The following RNF208 variants were observed in gnomAD, a reference collection of about 807,000 sequenced individuals.
The protein encoded by RNF208 is ring finger protein 208.
Under a neutral mutation model 15.2 loss-of-function variants are expected in RNF208, and 7 were observed. That is an observed-to-expected ratio of 0.46 (90% CI 0.26 to 0.86). The LOEUF is 0.86. Among genes scored for constraint, RNF208 ranks in the 40% least tolerant of loss-of-function variants. The pLI, the probability that RNF208 is intolerant of heterozygous loss-of-function variation, is 0.16. For missense variants in RNF208, 342 were observed against 364.1 expected, an observed-to-expected ratio of 0.94 and a Z score of 0.49; for synonymous variants, 211 against 163.2, an observed-to-expected ratio of 1.29 and a Z score of -2.23.
upstream of RNF208, among the ~76,000 whole-genome samples, chr9:137,223,178 G>C (rs1835899807): frequency 6.6e-6 from 1 of 152,258 alleles, no homozygotes; most frequent in Non-Finnish European, 1.5e-5. Context: ...TGGAGGAGCA[G>C]CCCTGCGCAT....
rs1313898656 is a variant in RNF208, at chr9:137,220,395, C to T, written c.*32G>A. 1 of 1,531,100 alleles carries T rather than the reference C, an allele frequency of 6.5e-7. No homozygotes were observed. The highest frequency in any genetic ancestry group is 1.9e-5 in the Admixed American group (1 of 51,962). The allele number at this position is 1,531,100 out of a possible 1,614,324, so 94.8% of individuals were successfully genotyped here. ...GTCCCTGAAGAAGCAGCGAGCGAGG[C>T]TCAGCGGGCAGTGGCGGGCAGGCAG... On this transcript the variant is annotated 3_prime_UTR_variant, in exon 2 of 2. Coordinates refer to ENST00000391553, the MANE Select transcript of RNF208 (RefSeq NM_031297.7).
Position 137,220,410 on chromosome 9 carries a change from C to G in RNF208, c.*17G>C. The G allele has an allele frequency of 6.5e-7, 1 of 1,539,474 alleles. No individual in the cohort carries two copies. ...GCGAGCGAGGCTCAGCGGGCAGTGG[C>G]GGGCAGGCAGGCGCTACTACATGAT... On this transcript the variant is annotated 3_prime_UTR_variant, in exon 2 of 2. Transcript: ENST00000391553.
At position 137,221,306 on chromosome 9, in the gene RNF208, G is replaced by C. The variant is rs1835867323; in HGVS notation, c.-94C>G. On this transcript the variant is annotated 5_prime_UTR_variant, in exon 2 of 2. Coordinates refer to ENST00000391553, the MANE Select transcript of RNF208 (RefSeq NM_031297.7). ...ACAGGGCAGCATCCTGGTCCCGCCA[G>C]GCCTGGGGGGGGCCCCGGACGGCCC... is the stretch of plus-strand genomic sequence containing the variant. 4.2e-6 allele frequency: 4 copies of C among 952,852 alleles called. No individual in the cohort carries two copies. In the South Asian group the frequency reaches 7.7e-5, roughly 18 times the overall value. 59.0% of individuals were successfully genotyped at this position (952,852 alleles called of 1,614,324 possible). A position where few individuals can be genotyped will look rare whatever the true frequency, so the allele number is the denominator to read the frequency against.
Position 137,221,495 on chromosome 9 carries a change from G to C in RNF208, c.-283C>G. 1 of 164,218 alleles carries C rather than the reference G, an allele frequency of 6.1e-6. No individual in the cohort carries two copies. Among genetic ancestry groups the C allele is most frequent in the Non-Finnish European group, 1.2e-5 (1 of 82,524 alleles). The allele number at this position is 164,218 out of a possible 1,614,324, so 10.2% of individuals were successfully genotyped here. On this transcript the variant is annotated 5_prime_UTR_variant, in exon 2 of 2. Coordinates refer to ENST00000391553, the MANE Select transcript of RNF208 (RefSeq NM_031297.7). ...GAGGCTGCCCTGGGCTGGGGGTCTG[G>C]CCCAGGGTCTCACCCAGGGTCTCTG...
In RNF208 at chr9:137,220,613, G is replaced by A. The variant is rs1414766955; in HGVS notation, c.600C>T (p.Gly200=). The change falls in exon 2 of 2, where the codon GGC becomes GGT. Residue 200 remains glycine (G), a synonymous_variant. Coordinates refer to ENST00000391553, the MANE Select transcript of RNF208 (RefSeq NM_031297.7). ...ACGTGTTGACAGCCAGCGCGGCCAG[G>A]CCGTAGTCGGTGAAGAGCACAGTCT... ...RRETVLFTDY[G]LAALAVNTSI... The A allele has an allele frequency of 6.2e-7, 1 of 1,612,440 alleles. No individual in the cohort carries two copies. The highest frequency in any genetic ancestry group is 1.7e-5 in the Admixed American group (1 of 59,986).
chr9:137,221,791 C>T (rs934319358), intron 1 of RNF208, among the ~76,000 whole-genome samples, 53 bp from the exon 2 acceptor site: 4 of 152,074 alleles, frequency 2.6e-5, no homozygotes, highest in Non-Finnish European at 4.4e-5. Flanking sequence ...CCACCCTAGC[C>T]CTCGCCCTGC....
upstream of RNF208, among the ~76,000 whole-genome samples, chr9:137,222,430 C>T (rs1222677569): frequency 1.3e-5 from 2 of 152,074 alleles, no homozygotes; most frequent in East Asian, 3.9e-4. Flanking sequence ...CCCCAGTTCT[C>T]TCCAGGCTGA....
chr9:137,223,075 C>A (rs1835897323), upstream of RNF208, among the ~76,000 whole-genome samples: 1 of 152,270 alleles, frequency 6.6e-6, no homozygotes, highest in Non-Finnish European at 1.5e-5. Context: ...GGCCAGACCG[C>A]ACCTGCTCTA....
Position 137,222,115 on chromosome 9 carries a change from C to T in RNF208, c.-653G>A, listed in dbSNP as rs1835879971. Among the ~76,000 whole-genome samples, 1 of 146,940 alleles carries T rather than the reference C, an allele frequency of 6.8e-6. No homozygotes were observed. Among genetic ancestry groups the T allele is most frequent in the Non-Finnish European group, 1.5e-5 (1 of 66,076 alleles). ...GCTCCGGCGGCTCCGGCGGCGGCCG[C>T]AGCGACCTCAGGCGATGGCGGGGCC... On this transcript the variant is annotated 5_prime_UTR_variant, in exon 1 of 2. Coordinates refer to ENST00000391553, the MANE Select transcript of RNF208 (RefSeq NM_031297.7).
upstream of RNF208, among the ~76,000 whole-genome samples, chr9:137,222,469 C>G (rs892492833): frequency 1.3e-5 from 2 of 152,052 alleles, no homozygotes; most frequent in South Asian, 2.1e-4. Context: ...CCCCCGCCCC[C>G]CCAGATTCAG....
At chr9:137,223,226 G>C (rs887442608), upstream of RNF208, among the ~76,000 whole-genome samples, 1 of 152,258 alleles carries the variant, frequency 6.6e-6, no homozygotes, top group African/African-American at 2.4e-5. Flanking sequence ...CCTCGGGCGA[G>C]TGTCACTCAG....
At position 137,220,642 on chromosome 9, in the gene RNF208, G is replaced by C; in HGVS notation, c.571C>G (p.Arg191Gly). ...YKFISCPTCR[R>G]ETVLFTDYGL... is the part of the protein sequence containing the mutation. The stretch of plus-strand genomic sequence containing the variant: ...TAGTCGGTGAAGAGCACAGTCTCAC[G>C]GCGGCAGGTGGGGCAGGAGATGAAC... The change falls in exon 2 of 2, where the codon CGT becomes GGT. Residue 191 changes from arginine (R) to glycine (G), a missense_variant. Arg to Gly is a moderately radical substitution (Grantham distance 125). This residue lies in a region of RNF208 where 76 missense variants were observed against 118.0 expected (regional missense o/e 0.64). Coordinates refer to ENST00000391553, the MANE Select transcript of RNF208 (RefSeq NM_031297.7). The C allele has an allele frequency of 1.2e-6, 2 of 1,612,596 alleles. No individual in the cohort carries two copies. The highest frequency in any genetic ancestry group is 1.7e-6 in the Non-Finnish European group (2 of 1,179,910).
At chr9:137,221,870 G>C (rs1039345651) in intron 1 of RNF208, among the ~76,000 whole-genome samples, 119 bp downstream of exon 1, 48 of 151,996 alleles carry the variant, frequency 3.2e-4, no homozygotes, top group African/African-American at 1.1e-3. Context: ...GCGGGCCTCA[G>C]AACCCAACCC....
At position 137,220,974 on chromosome 9, in the gene RNF208, C is replaced by T. The variant is rs947003393; in HGVS notation, c.239G>A (p.Gly80Glu). Residue 80 changes from glycine (G) to glutamate (E), a missense_variant, in exon 2 of 2, where the codon GGG (glycine) becomes GAG (glutamate). Physicochemically the swap from Gly to Glu is moderately conservative, Grantham distance 98. Transcript: ENST00000391553. Reference sequence around the variant, plus strand: ...TGCCCCTTCCAAGGCAGGCATGTCCCCCCCACAGGCCTGGTTGACAATGAT... The same window carrying T: ...TGCCCCTTCCAAGGCAGGCATGTCCTCCCCACAGGCCTGGTTGACAATGAT... ...TEIIVNQACG[G>E]DMPALEGAPH... 6.5e-7 allele frequency: 1 copy of T among 1,550,094 alleles called. No individual in the cohort carries two copies. The highest frequency in any genetic ancestry group is 8.7e-7 in the Non-Finnish European group (1 of 1,143,802).
At chr9:137,222,314 C>A (rs1835883762), upstream of RNF208, among the ~76,000 whole-genome samples, 1 of 148,842 alleles carries the variant, frequency 6.7e-6, no homozygotes, top group African/African-American at 2.4e-5. Context: ...GTCTGGGGAC[C>A]CGCGCGGGGT....
At position 137,220,875 on chromosome 9, in the gene RNF208, T is replaced by A; in HGVS notation, c.338A>T (p.Glu113Val). 1.3e-6 allele frequency: 2 copies of A among 1,587,454 alleles called. No homozygotes were observed. The highest frequency in any genetic ancestry group is 8.6e-7 in the Non-Finnish European group (1 of 1,164,732). The part of the protein sequence containing the change: ...SELGFPRVAP[E>V]DEVIVNQYVI... ...GTACTGATTCACAATGACCTCATCC[T>A]CTGGGGCCACGCGGGGAAAGCCCAG... Residue 113 changes from glutamate to valine, a missense_variant, in exon 2 of 2, where the codon GAG becomes GTG. By Grantham distance (121) the Glu-to-Val change is moderately radical (BLOSUM62 -2). This residue lies in a region of RNF208 where 207 missense variants were observed against 193.7 expected (regional missense o/e 1.07). Transcript: ENST00000391553.
Position 137,221,384 on chromosome 9 carries a change from T to G in RNF208, c.-172A>C. The G allele has an allele frequency of 5.3e-6, 1 of 187,866 alleles. No individual in the cohort carries two copies. 11.6% of individuals were successfully genotyped at this position (187,866 alleles called of 1,614,324 possible). A position where few individuals can be genotyped will look rare whatever the true frequency, so the allele number is the denominator to read the frequency against. On this transcript the variant is annotated 5_prime_UTR_variant, in exon 2 of 2. Coordinates refer to ENST00000391553, the MANE Select transcript of RNF208 (RefSeq NM_031297.7). ...GTTGGGGGTGCAGGGCCCCCCCCAG[T>G]GGCCACAGTGGCTTCTCTGGTCCAG...
chr9:137,222,922 C>T (rs1002441843), upstream of RNF208, among the ~76,000 whole-genome samples: 1 of 152,236 alleles, frequency 6.6e-6, no homozygotes, highest in Non-Finnish European at 1.5e-5. Flanking sequence ...CGCCTTCTGC[C>T]TGTGGAGCCC....
upstream of RNF208, among the ~76,000 whole-genome samples, chr9:137,222,823 C>A (rs944591242): frequency 7.2e-5 from 11 of 152,248 alleles, no homozygotes; most frequent in Non-Finnish European, 1.5e-4. Context: ...AGGACCGCAC[C>A]TGCCCGGACA....
Sources: allele counts gnomAD v4.1 joint callset (sites outside exome capture counted in the v4.1 genomes callset), GRCh38; gene constraint gnomAD v4.1.1; regional missense constraint gnomAD v4.1.1; transcripts MANE v1.5; gene names NCBI Gene and HGNC (gene_info 2026-07-23, HGNC 2026-07-21).